Variants in PSD3 observed in about 807,000 individuals in gnomAD.
PSD3 encodes pleckstrin and Sec7 domain containing 3.
In PSD3, 49 loss-of-function variants were observed where a neutral mutation model predicts 105.5. The ratio of observed to expected loss-of-function variants is 0.46; its 90% CI spans 0.37 to 0.59. PSD3 has a LOEUF of 0.59. Among genes scored for constraint, PSD3 ranks in the 20% least tolerant of loss-of-function variants. The probability of loss-of-function intolerance (pLI) is 0.00; values close to 1 mark genes in which losing one functional copy is unlikely to be tolerated. For synonymous variants in PSD3, 557 were observed against 457.8 expected, an observed-to-expected ratio of 1.22 and a Z score of -2.77; for missense variants, 1,561 against 1,263.8, an observed-to-expected ratio of 1.24 and a Z score of -3.57.
At chr8:18,572,084 C>A (rs1382573778) in intron 14 of PSD3, among the ~76,000 whole-genome samples, 1 of 152,146 alleles carries the variant, frequency 6.6e-6, no homozygotes, top group Non-Finnish European at 1.5e-5. Context: ...AGGGGTAGGG[C>A]AGGCCATTTC....
rs79233725 is a variant in PSD3, at chr8:19,029,369, T to C, written c.324+54837A>G. Among the ~76,000 whole-genome samples, 445 of 152,312 alleles carry C rather than the reference T, an allele frequency of 2.9e-3. 3 individuals are homozygous for C. Among genetic ancestry groups the C allele is most frequent in the Non-Finnish European group, 4.9e-3 (335 of 68,012 alleles). The stretch of plus-strand genomic sequence containing the variant: ...GTTTTCAGTGTATAGTACTTGCACA[T>C]TGTATTTGTCCATTCTCATGCTGCT... On this transcript the variant is annotated intron_variant, in intron 1 of 1. Coordinates refer to the PSD3 transcript ENST00000521475.
At chr8:18,662,388 T>A (rs1809411354) in intron 9 of PSD3, among the ~76,000 whole-genome samples, 1 of 152,226 alleles carries the variant, frequency 6.6e-6, no homozygotes, top group Non-Finnish European at 1.5e-5. Flanking sequence ...TAGTGAAGAA[T>A]TAGTCAGCTA....
At chr8:18,816,533 T>G (rs1812237502) in intron 4 of PSD3, among the ~76,000 whole-genome samples, 1 of 152,244 alleles carries the variant, frequency 6.6e-6, no homozygotes. Flanking sequence ...AGGACATCTG[T>G]ATATGTGTTT....
At chr8:18,640,532 T>G (rs1279306344) in intron 10 of PSD3, among the ~76,000 whole-genome samples, 1 of 152,168 alleles carries the variant, frequency 6.6e-6, no homozygotes, top group Non-Finnish European at 1.5e-5. Flanking sequence ...TCACCTTCAC[T>G]TGGCTCTCAT....
intron 1 of PSD3, among the ~76,000 whole-genome samples, chr8:18,961,937 A>G (rs1049331815): frequency 6.6e-6 from 1 of 152,020 alleles, no homozygotes; most frequent in African/African-American, 2.4e-5. Flanking sequence ...AAACCATGTA[A>G]AATCTATGAC....
chr8:18,527,541 A>T lies in PSD3; in HGVS notation c.*8202T>A, dbSNP rs1166813987. 6.6e-6 allele frequency: 1 copy of T among 152,656 alleles called. No individual in the cohort carries two copies. The highest frequency in any genetic ancestry group is 1.5e-5 in the Non-Finnish European group (1 of 68,048). The allele number at this position is 152,656 out of a possible 1,614,324, so 9.5% of individuals were successfully genotyped here. On this transcript the variant is annotated 3_prime_UTR_variant, in exon 16 of 16. Transcript: ENST00000327040. ...TCTATATATCACAGCTTCTATACATATCAGATGACTCACTTGTCTACAAGG... is the reference window on the plus strand; with the variant it reads ...TCTATATATCACAGCTTCTATACATTTCAGATGACTCACTTGTCTACAAGG...
chr8:19,013,669 C>G lies in PSD3; in HGVS notation c.-86G>C. 8.6e-7 allele frequency: 1 copy of G among 1,157,794 alleles called. No homozygotes were observed. The highest frequency in any genetic ancestry group is 1.1e-6 in the Non-Finnish European group (1 of 928,648). 71.7% of individuals were successfully genotyped at this position (1,157,794 alleles called of 1,614,324 possible). A position where few individuals can be genotyped will look rare whatever the true frequency, so the allele number is the denominator to read the frequency against. On this transcript the variant is annotated 5_prime_UTR_variant, in exon 1 of 16. Transcript: ENST00000327040. ...TCAGGGCGCGAGTGCCGGCGGCCAGCGCCGCGTGCTCTTTGTTGAGCTCCC... is the reference window on the plus strand; with the variant it reads ...TCAGGGCGCGAGTGCCGGCGGCCAGGGCCGCGTGCTCTTTGTTGAGCTCCC...
At chr8:18,991,409 A>C (rs1825799825) in intron 1 of PSD3, among the ~76,000 whole-genome samples, 1 of 144,618 alleles carries the variant, frequency 6.9e-6, no homozygotes, top group Admixed American at 7.0e-5. Flanking sequence ...CACTCCTGAA[A>C]CTCCCTGGGG....
chr8:18,685,939 T>C (rs1800639365), intron 9 of PSD3, among the ~76,000 whole-genome samples: 4 of 152,158 alleles, frequency 2.6e-5, no homozygotes, highest in Admixed American at 2.6e-4. Flanking sequence ...AACATGCCCT[T>C]TGGATATTTG....
At chr8:18,675,965 G>A (rs1286837230) in intron 9 of PSD3, among the ~76,000 whole-genome samples, 3 of 152,230 alleles carry the variant, frequency 2.0e-5, no homozygotes, top group East Asian at 1.9e-4. Flanking sequence ...ACAGGTTGCA[G>A]AATAGCTTGT....
At chr8:18,901,623 G>C (rs1465434748) in intron 2 of PSD3, among the ~76,000 whole-genome samples, 1 of 152,050 alleles carries the variant, frequency 6.6e-6, no homozygotes, top group Non-Finnish European at 1.5e-5. Flanking sequence ...CCACCAGTGA[G>C]TTTTATAATT....
At chr8:18,654,096 T>C (rs1341679343) in intron 10 of PSD3, among the ~76,000 whole-genome samples, 1 of 152,230 alleles carries the variant, frequency 6.6e-6, no homozygotes, top group Non-Finnish European at 1.5e-5. Context: ...GCACGCTGCC[T>C]TTAAATGAGT....
chr8:18,825,557 G>T (rs950706903), intron 4 of PSD3, among the ~76,000 whole-genome samples: 1 of 152,140 alleles, frequency 6.6e-6, no homozygotes, highest in Non-Finnish European at 1.5e-5. Flanking sequence ...CCTATTCACT[G>T]GTACAAATTA....
At chr8:19,066,386 T>C (rs564824707) in intron 1 of PSD3, among the ~76,000 whole-genome samples, 2 of 152,330 alleles carry the variant, frequency 1.3e-5, no homozygotes, top group South Asian at 4.1e-4. Context: ...CCCTCTTTTT[T>C]GAATTAGAAA....
intron 1 of PSD3, among the ~76,000 whole-genome samples, chr8:19,023,658 A>G (rs1027265283): frequency 7.9e-5 from 12 of 152,146 alleles, no homozygotes; most frequent in Middle Eastern, 3.4e-3. Context: ...GCTGGTCTGG[A>G]ACTCCCGGCC....
At chr8:18,827,289 T>A (rs547224045) in intron 4 of PSD3, among the ~76,000 whole-genome samples, 1 of 152,282 alleles carries the variant, frequency 6.6e-6, no homozygotes, top group African/African-American at 2.4e-5. Flanking sequence ...ATGTGGCATT[T>A]ACCAGGTGGA....
chr8:18,854,087 T>C (rs1278379557), intron 4 of PSD3: 1 of 152,200 alleles, frequency 6.6e-6, no homozygotes, highest in African/African-American at 2.4e-5. Flanking sequence ...AATACACCAA[T>C]TTCCAGTTAC....
chr8:18,986,488 C>T (rs1825501074), intron 1 of PSD3, among the ~76,000 whole-genome samples: 1 of 150,848 alleles, frequency 6.6e-6, no homozygotes, highest in South Asian at 2.1e-4. Flanking sequence ...TAAGGTCTCT[C>T]TGGCTTTTTC....
rs544389725 is a variant in PSD3 at position 19,078,193 on chromosome 8, G to C, written c.324+6013C>G. On this transcript the variant is annotated intron_variant, in intron 1 of 1. Transcript: ENST00000521475. The stretch of plus-strand genomic sequence containing the variant: ...TTACAGGCATGAGTCACCGAGCCAA[G>C]CCAGGAAAACAAAAGTCTTTCAAAG... Among the ~76,000 whole-genome samples, 15 of 152,068 alleles carry C rather than the reference G, an allele frequency of 9.9e-5. No homozygotes were observed. In the East Asian group the frequency reaches 2.3e-3, roughly 24 times the overall value.
Sources: allele counts gnomAD v4.1 joint callset (sites outside exome capture counted in the v4.1 genomes callset), GRCh38; gene constraint gnomAD v4.1.1; transcripts MANE v1.5; gene names NCBI Gene and HGNC (gene_info 2026-07-23, HGNC 2026-07-21).